Variants in LRRFIP1 observed in about 807,000 individuals in gnomAD.
LRRFIP1 encodes the protein LRR binding FLII interacting protein 1.
Under a neutral mutation model 104.4 loss-of-function variants are expected in LRRFIP1, and 62 were observed. The ratio of observed to expected loss-of-function variants is 0.59; its 90% CI spans 0.48 to 0.73. The LOEUF is 0.73. LRRFIP1 is among the 30% of genes least tolerant of loss of function. The probability of loss-of-function intolerance (pLI) is 0.00; values close to 1 mark genes in which losing one functional copy is unlikely to be tolerated. For synonymous variants in LRRFIP1, 300 were observed against 299.0 expected (o/e 1.00, Z -0.03); for missense variants, 796 against 824.5 (o/e 0.97, Z 0.42).
At chr2:237,697,791 A>ACGGCACAGGGGAGGCCCAGC (rs2093287482) in intron 1 of LRRFIP1, among the ~76,000 whole-genome samples, 1 of 152,204 alleles carries the variant, frequency 6.6e-6, no homozygotes, top group African/African-American at 2.4e-5. Flanking sequence ...TGGAGAGGAA[A>ACGGCACAGGGGAGGCCCAGC]CGGCACAGGG....
At chr2:237,689,209 A>G (rs2092608764) in intron 1 of LRRFIP1, among the ~76,000 whole-genome samples, 1 of 152,232 alleles carries the variant, frequency 6.6e-6, no homozygotes, top group Non-Finnish European at 1.5e-5. Flanking sequence ...CTTTTGCACC[A>G]TCCTAATAAA....
chr2:237,763,428 A>T, intron 19 of LRRFIP1: 1 of 1,613,768 alleles, frequency 6.2e-7, no homozygotes, highest in Admixed American at 1.7e-5. Context: ...ACAAAGAACA[A>T]GAAAAAGAAA....
chr2:237,683,263 G>A (rs554110686), intron 1 of LRRFIP1: 1 of 152,528 alleles, frequency 6.6e-6, no homozygotes, highest in South Asian at 2.1e-4. Flanking sequence ...GGTCAGGTCA[G>A]AGAAGCATTT....
At chr2:237,705,351 G>A (rs972276741) in intron 1 of LRRFIP1, among the ~76,000 whole-genome samples, 2 of 152,178 alleles carry the variant, frequency 1.3e-5, no homozygotes, top group African/African-American at 4.8e-5. Flanking sequence ...TGATCTCACA[G>A]TTTCTGTGGT....
chr2:237,737,411 C>T (rs2095284876), intron 10 of LRRFIP1, among the ~76,000 whole-genome samples: 2 of 152,208 alleles, frequency 1.3e-5, no homozygotes, highest in Admixed American at 1.3e-4. Flanking sequence ...CTGACTTCTG[C>T]ACATTAGCCA....
rs1230669893 is a variant in LRRFIP1, at chr2:237,748,899, C to A, written c.670-300C>A. 2.0e-5 allele frequency among the ~76,000 whole-genome samples: 3 copies of A among 152,168 alleles called. No individual in the cohort carries two copies. In the East Asian group the frequency reaches 5.8e-4, roughly 29 times the overall value. ...TTAATTGACTCACAGTTCCGCATGGCTGGGGAGACCTCAGGAAACTTACAA... is the reference window on the plus strand; with the variant it reads ...TTAATTGACTCACAGTTCCGCATGGATGGGGAGACCTCAGGAAACTTACAA... On this transcript the variant is annotated intron_variant, in intron 12 of 23. Coordinates refer to ENST00000308482, the MANE Select transcript of LRRFIP1 (RefSeq NM_001137550.2).
chr2:237,654,668 A>G (rs2086500963), intron 1 of LRRFIP1, among the ~76,000 whole-genome samples: 1 of 151,706 alleles, frequency 6.6e-6, no homozygotes, highest in African/African-American at 2.4e-5. Context: ...CTCCTGCCTC[A>G]GCCTCCCGAG....
chr2:237,749,425 TC>T, intron 13 of LRRFIP1, 101 bp downstream of exon 13: 1 of 1,404,212 alleles, frequency 7.1e-7, no homozygotes, highest in Non-Finnish European at 9.6e-7. Flanking sequence ...TCTGGATCTT[TC>T]TTCTTGGTCC....
intron 11 of LRRFIP1, among the ~76,000 whole-genome samples, chr2:237,745,210 T>TG (rs1231822214): frequency 6.6e-6 from 1 of 152,172 alleles, no homozygotes; most frequent in Non-Finnish European, 1.5e-5. Context: ...TGGACACGAG[T>TG]GGGGCTGCGT....
chr2:237,730,559 A>G (rs994606881), intron 8 of LRRFIP1, among the ~76,000 whole-genome samples: 6 of 152,188 alleles, frequency 3.9e-5, no homozygotes, highest in African/African-American at 1.4e-4. Flanking sequence ...GAGTGAACAG[A>G]TGAGTAGATA....
chr2:237,772,992 T>C (rs1323356131), intron 22 of LRRFIP1, 47 bp downstream of exon 22: 2 of 1,486,864 alleles, frequency 1.3e-6, no homozygotes, highest in Admixed American at 3.4e-5. Flanking sequence ...ACTGGAGTTT[T>C]ACTTGCTAGA....
Position 237,674,734 on chromosome 2 carries a change from G to A in LRRFIP1, c.97-33810G>A, listed in dbSNP as rs142279094. Among the ~76,000 whole-genome samples the A allele has an allele frequency of 3.8e-3, 577 of 152,318 alleles. 10 individuals carry two copies. The East Asian group carries it at 0.047, about 13-fold the overall frequency. On this transcript the variant is annotated intron_variant, in intron 1 of 23. Coordinates refer to ENST00000308482, the MANE Select transcript of LRRFIP1 (RefSeq NM_001137550.2). ...ATTATGAATGCGGGCAAAAACCTTC[G>A]GTAGTATTAGAAGTGTGACCTCAGC...
chr2:237,632,551 A>T (rs1450561707), intron 1 of LRRFIP1, among the ~76,000 whole-genome samples: 1 of 152,136 alleles, frequency 6.6e-6, no homozygotes. Flanking sequence ...GGGTCTTTTC[A>T]TCCTAAGTCC....
At chr2:237,690,295 C>A (rs1044096966) in intron 1 of LRRFIP1, among the ~76,000 whole-genome samples, 3 of 152,156 alleles carry the variant, frequency 2.0e-5, no homozygotes, top group African/African-American at 7.2e-5. Flanking sequence ...AAAATCAAGT[C>A]TCAGAAGAAG....
chr2:237,698,513 C>T (rs753610553), intron 1 of LRRFIP1, among the ~76,000 whole-genome samples: 7 of 152,224 alleles, frequency 4.6e-5, no homozygotes, highest in Non-Finnish European at 8.8e-5. Flanking sequence ...CCAGGTCCCC[C>T]GAGTGCAGAG....
At chr2:237,678,367 T>A (rs2091405677) in intron 1 of LRRFIP1, among the ~76,000 whole-genome samples, 1 of 152,044 alleles carries the variant, frequency 6.6e-6, no homozygotes. Flanking sequence ...CTGTGCAGAG[T>A]AGGGCAAGGT....
chr2:237,667,912 T>C (rs2089713574), intron 1 of LRRFIP1, among the ~76,000 whole-genome samples: 1 of 152,076 alleles, frequency 6.6e-6, no homozygotes, highest in Non-Finnish European at 1.5e-5. Context: ...TCATGAGGTT[T>C]GCGCCTTTCT....
Position 237,779,999 on chromosome 2 carries a change from CT to C in LRRFIP1, c.*471del, listed in dbSNP as rs2061394371. 1 of 152,904 alleles carries C rather than the reference CT, an allele frequency of 6.5e-6. No individual in the cohort carries two copies. The allele number at this position is 152,904 out of a possible 1,614,324, so 9.5% of individuals were successfully genotyped here. A position where few individuals can be genotyped will look rare whatever the true frequency, so the allele number is the denominator to read the frequency against. ...CTTCAGTAGTATCTCTTAGTCTACGCTTTTCATACACAAAACACTGTGGAAC... is the reference window on the plus strand; with the variant it reads ...CTTCAGTAGTATCTCTTAGTCTACGCTTTCATACACAAAACACTGTGGAAC... On this transcript the variant is annotated 3_prime_UTR_variant, in exon 24 of 24. Coordinates refer to ENST00000308482, the MANE Select transcript of LRRFIP1 (RefSeq NM_001137550.2).
intron 1 of LRRFIP1, among the ~76,000 whole-genome samples, chr2:237,685,988 T>G (rs534169712): frequency 6.6e-6 from 1 of 152,370 alleles, no homozygotes; most frequent in South Asian, 2.1e-4. Context: ...CTCTTCACTC[T>G]GTGGCTTCCA....
Sources: gnomAD v4.1 joint callset for allele counts (sites outside exome capture counted in the v4.1 genomes callset) on GRCh38, gnomAD v4.1.1 for gene constraint, MANE v1.5 for transcripts, NCBI Gene and HGNC (gene_info 2026-07-23, HGNC 2026-07-21) for gene names.